ESR1: variants seen among roughly 807,000 people sequenced by gnomAD.
ESR1 encodes the protein estrogen receptor 1.
Under a neutral mutation model 52.7 loss-of-function variants are expected in ESR1, and 12 were observed. The observed-to-expected ratio is 0.23, with a 90% confidence interval of 0.15 to 0.37. The LOEUF is 0.37. Among genes scored for constraint, ESR1 ranks in the 10% least tolerant of loss-of-function variants. The pLI, the probability that ESR1 is intolerant of heterozygous loss-of-function variation, is 1.00. For missense variants in ESR1, 584 were observed against 779.7 expected, an observed-to-expected ratio of 0.75 and a Z score of 2.99; for synonymous variants, 305 against 316.8, an observed-to-expected ratio of 0.96 and a Z score of 0.39.
At chr6:152,122,444 G>GACC (rs1229407922) in intron 6 of ESR1, 7 of 1,614,154 alleles carry the variant, frequency 4.3e-6, no homozygotes, top group Non-Finnish European at 5.9e-6. Context: ...GTTCAGAGTG[G>GACC]AGGAGGGCCA....
At chr6:151,783,240 T>C (rs983372836) in intron 2 of ESR1, among the ~76,000 whole-genome samples, 3 of 152,190 alleles carry the variant, frequency 2.0e-5, no homozygotes, top group East Asian at 3.9e-4. Context: ...TTGGTTTGCT[T>C]TGGGGAGATT....
chr6:151,848,379 G>A (rs1785554520), intron 2 of ESR1, among the ~76,000 whole-genome samples: 1 of 123,368 alleles, frequency 8.1e-6, no homozygotes, highest in African/African-American at 3.1e-5. Context: ...CCTAATGCTA[G>A]ATGACGAGTT....
intron 5 of ESR1, among the ~76,000 whole-genome samples, chr6:152,030,208 G>T (rs952660804): frequency 6.6e-6 from 1 of 152,166 alleles, no homozygotes; most frequent in Non-Finnish European, 1.5e-5. Context: ...AAAGACCATC[G>T]AGGCTAGGAA....
chr6:151,875,682 A>G (rs957873225), intron 2 of ESR1, among the ~76,000 whole-genome samples: 3 of 152,170 alleles, frequency 2.0e-5, no homozygotes, highest in African/African-American at 7.2e-5. Flanking sequence ...TTAGAAGATG[A>G]GTAGGAGTCA....
intron 2 of ESR1, among the ~76,000 whole-genome samples, chr6:151,866,726 A>T (rs1336082109): frequency 1.3e-5 from 2 of 152,092 alleles, no homozygotes; most frequent in Non-Finnish European, 2.9e-5. Context: ...CCAGTCTATC[A>T]TTGATGGGCA....
chr6:151,765,401 T>C (rs1315880111), intron 2 of ESR1, among the ~76,000 whole-genome samples: 2 of 152,222 alleles, frequency 1.3e-5, no homozygotes, highest in Non-Finnish European at 2.9e-5. Flanking sequence ...TTAGAAACTA[T>C]TCCTCAGTCA....
intron 6 of ESR1, chr6:152,118,167 A>C (rs1435242140): frequency 6.6e-6 from 1 of 152,140 alleles, no homozygotes; most frequent in African/African-American, 2.4e-5. Flanking sequence ...GAAAATAGAG[A>C]TCTAACAGCT....
chr6:151,887,820 G>T (rs1794095239), intron 3 of ESR1, among the ~76,000 whole-genome samples: 2 of 151,998 alleles, frequency 1.3e-5, no homozygotes, highest in African/African-American at 4.8e-5. Context: ...TACAGTTTCA[G>T]GTCTAACATT....
At chr6:151,988,471 TGTTGGGCGGCCCAGTTCCTAACCAGG>T (rs1396200142) in intron 4 of ESR1, among the ~76,000 whole-genome samples, 2 of 152,076 alleles carry the variant, frequency 1.3e-5, no homozygotes, top group African/African-American at 2.4e-5. Flanking sequence ...GCTCACCTCC[TGTTGGGCGGCCCAGTTCCTAACCAGG>T]GTTGGGGACC....
rs189118595 is a variant in ESR1 at position 151,839,911 on chromosome 6, G to T, written c.453-2686G>T. On this transcript the variant is annotated intron_variant, in intron 1 of 7. Coordinates refer to ENST00000206249, the MANE Select transcript of ESR1 (RefSeq NM_000125.4). ...TGATGTGAGTATATCTAACATGATT[G>T]AATTGATGAACACTTAAGCGTGGTT... Among the ~76,000 whole-genome samples the T allele has an allele frequency of 4.7e-3, 712 of 152,266 alleles. 4 individuals carry two copies. Among genetic ancestry groups the T allele is most frequent in the African/African-American group, 0.017 (687 of 41,554 alleles).
At chr6:151,806,573 T>G (rs117142085), upstream of ESR1, among the ~76,000 whole-genome samples, 8,760 of 137,938 alleles carry the variant, frequency 0.064, 426 homozygotes, top group Non-Finnish European at 0.074. Context: ...TATATGTGTG[T>G]GTGTATGTGC....
intron 5 of ESR1, among the ~76,000 whole-genome samples, chr6:152,029,572 G>A (rs1252591617): frequency 6.6e-6 from 1 of 152,178 alleles, no homozygotes; most frequent in Non-Finnish European, 1.5e-5. Context: ...GAAATGAAGT[G>A]AGAAGAGAAG....
chr6:151,783,880 T>C (rs1786777103), intron 2 of ESR1, among the ~76,000 whole-genome samples: 1 of 152,226 alleles, frequency 6.6e-6, no homozygotes, highest in South Asian at 2.1e-4. Context: ...CTTGACAGTT[T>C]TGAGGAATAC....
At chr6:152,021,088 G>T (rs543038863) in intron 5 of ESR1, among the ~76,000 whole-genome samples, 1 of 152,260 alleles carries the variant, frequency 6.6e-6, no homozygotes, top group Admixed American at 6.5e-5. Context: ...TTAATCCTGG[G>T]TGTGTCTGTG....
intron 5 of ESR1, among the ~76,000 whole-genome samples, chr6:152,028,861 GA>G (rs763439465): frequency 6.6e-6 from 1 of 152,220 alleles, no homozygotes; most frequent in African/African-American, 2.4e-5. Flanking sequence ...GTGGGTCCCT[GA>G]CCCCCGAGTA....
Position 152,061,151 on chromosome 6 carries a change from A to T in ESR1, c.1369+27A>T, listed in dbSNP as rs958409894. 1.4e-5 allele frequency: 23 copies of T among 1,608,958 alleles called. No homozygotes were observed. Among genetic ancestry groups the T allele is most frequent in the Non-Finnish European group, 2.0e-5 (23 of 1,175,544 alleles). On this transcript the variant is annotated intron_variant, in intron 6 of 7. Transcript: ENST00000206249. This position sits in a 1 kb window ranked among gnomAD's most constrained non-coding sequence, Gnocchi z 4.3. Reference sequence around the variant, plus strand: ...TGAGTTGATAACACAAGATAACTCAATGCTGGATGAAATGTTTATTTGTAG... The same window carrying T: ...TGAGTTGATAACACAAGATAACTCATTGCTGGATGAAATGTTTATTTGTAG...
At chr6:151,998,259 A>T (rs751792249) in intron 4 of ESR1, among the ~76,000 whole-genome samples, 1 of 152,136 alleles carries the variant, frequency 6.6e-6, no homozygotes, top group Non-Finnish European at 1.5e-5. Flanking sequence ...GGTTATGTAA[A>T]ATTTACATGT....
At chr6:152,034,914 T>C (rs2045147622) in intron 5 of ESR1, among the ~76,000 whole-genome samples, 1 of 152,216 alleles carries the variant, frequency 6.6e-6, no homozygotes, top group Admixed American at 6.5e-5. Context: ...TTTGCTGCAA[T>C]GTGTTTTGAT....
intron 6 of ESR1, chr6:152,122,585 G>T: frequency 6.2e-7 from 1 of 1,614,218 alleles, no homozygotes; most frequent in Non-Finnish European, 8.5e-7. Flanking sequence ...TGAAGGGGAA[G>T]AGCTGCTCGG....
Sources: gnomAD v4.1 joint callset for allele counts (sites outside exome capture counted in the v4.1 genomes callset) on GRCh38, gnomAD v4.1.1 for gene constraint, Gnocchi (gnomAD v3.1) non-coding constraint, MANE v1.5 for transcripts, NCBI Gene and HGNC (gene_info 2026-07-23, HGNC 2026-07-21) for gene names.